The following MNAT1 variants were observed in gnomAD, a reference collection of about 807,000 sequenced individuals.
MNAT1 encodes the protein CDK-activating kinase assembly factor MAT1.
MNAT1 carries 43 observed loss-of-function variants against 42.0 expected under a neutral mutation model. The observed-to-expected ratio is 1.02, with a 90% CI of 0.80 to 1.32. The LOEUF is 1.32. MNAT1 is among the 40% of genes most tolerant of loss of function. The pLI is 0.00. For synonymous variants in MNAT1, 118 were observed against 120.0 expected, an observed-to-expected ratio of 0.98 and a Z score of 0.11; for missense variants, 306 against 350.4, an observed-to-expected ratio of 0.87 and a Z score of 1.01.
intron 1 of MNAT1, among the ~76,000 whole-genome samples, chr14:60,741,513 C>A (rs1896459460): frequency 6.6e-6 from 1 of 151,974 alleles, no homozygotes; most frequent in African/African-American, 2.4e-5. Flanking sequence ...GCACGGGCCA[C>A]CACGTCTGGC....
At chr14:60,822,204 G>C (rs2032908983) in intron 6 of MNAT1, among the ~76,000 whole-genome samples, 1 of 152,144 alleles carries the variant, frequency 6.6e-6, no homozygotes, top group Non-Finnish European at 1.5e-5. Flanking sequence ...AGACAGAATA[G>C]TTGCTGGTGG....
intron 1 of MNAT1, among the ~76,000 whole-genome samples, chr14:60,752,260 C>T (rs1005139281): frequency 1.3e-5 from 2 of 151,904 alleles, no homozygotes; most frequent in Non-Finnish European, 2.9e-5. Flanking sequence ...GTATGACATG[C>T]CAGATGCTGT....
chr14:60,913,918 C>G (rs370131304), intron 7 of MNAT1, among the ~76,000 whole-genome samples: 1 of 152,208 alleles, frequency 6.6e-6, no homozygotes, highest in Non-Finnish European at 1.5e-5. Flanking sequence ...GCCCTGCCCC[C>G]AGAGGTAGAG....
intron 7 of MNAT1, among the ~76,000 whole-genome samples, chr14:60,894,112 T>C (rs2034901364): frequency 6.6e-6 from 1 of 152,122 alleles, no homozygotes; most frequent in Non-Finnish European, 1.5e-5. Context: ...ACTTATGCTT[T>C]GCATCAGTGT....
rs966102559 is a variant in MNAT1, at chr14:60,812,077, C to G, written c.511C>G (p.Leu171Val). The G allele has an allele frequency of 5.6e-6, 9 of 1,597,806 alleles. No individual in the cohort carries two copies. The highest frequency in any genetic ancestry group is 6.8e-6 in the Non-Finnish European group (8 of 1,173,340). The change falls in exon 5 of 8, where the codon CTG becomes GTG. Residue 171 changes from leucine to valine, a missense_variant. Physicochemically the swap from Leu to Val is conservative, Grantham distance 32 (BLOSUM62 1). Coordinates refer to ENST00000261245, the MANE Select transcript of MNAT1 (RefSeq NM_002431.4). ...RRLFIQKEEQLQQILKRKNKQ... is the reference protein window; with the variant it reads ...RRLFIQKEEQVQQILKRKNKQ... ...ATTATTTATACAAAAAGAAGAACAA[C>G]TGCAGCAGATTCTAAAAAGGAAGAA...
intron 4 of MNAT1, chr14:60,808,726 A>C (rs2032455122): frequency 6.0e-6 from 1 of 167,778 alleles, no homozygotes; most frequent in African/African-American, 2.4e-5. Context: ...GTAAGTGAGC[A>C]TTTGGACAGT....
At chr14:60,946,625 T>C (rs536264729) in intron 7 of MNAT1, among the ~76,000 whole-genome samples, 2 of 152,326 alleles carry the variant, frequency 1.3e-5, no homozygotes, top group East Asian at 3.9e-4. Context: ...CCTTGACCTT[T>C]TGTTCTCATT....
chr14:60,939,073 G>C (rs981905957), intron 7 of MNAT1, among the ~76,000 whole-genome samples: 4 of 152,114 alleles, frequency 2.6e-5, no homozygotes, highest in African/African-American at 4.8e-5. Context: ...GGGATCGGTG[G>C]TGATATCCCC....
chr14:60,794,148 T>A (rs181546198), intron 1 of MNAT1, among the ~76,000 whole-genome samples: 46 of 152,326 alleles, frequency 3.0e-4, no homozygotes, highest in Non-Finnish European at 5.3e-4. Context: ...CTATTTTGGA[T>A]AGATGCTTAC....
Position 60,818,974 on chromosome 14 carries a change from G to C in MNAT1, c.687+127G>C, listed in dbSNP as rs547997170. 2.7e-5 allele frequency: 29 copies of C among 1,075,180 alleles called. No homozygotes were observed. The South Asian group carries it at 5.2e-4, about 19-fold the overall frequency. The allele number at this position is 1,075,180 out of a possible 1,614,324, so 66.6% of individuals were successfully genotyped here. A position where few individuals can be genotyped will look rare whatever the true frequency, so the allele number is the denominator to read the frequency against. On this transcript the variant is annotated intron_variant, in intron 6 of 7. Coordinates refer to ENST00000261245, the MANE Select transcript of MNAT1 (RefSeq NM_002431.4). ...AAGAACAGTGTCTGATCTAGTTTTA[G>C]GTGTCTGGAAATATGGATGGGTGCA...
At chr14:60,937,621 T>G (rs2036030064) in intron 7 of MNAT1, among the ~76,000 whole-genome samples, 2 of 152,338 alleles carry the variant, frequency 1.3e-5, no homozygotes, top group South Asian at 4.1e-4. Flanking sequence ...CATGCTGTTT[T>G]GGTTACTGTA....
chr14:60,909,363 A>ATT (rs560080972), intron 7 of MNAT1, among the ~76,000 whole-genome samples: 1 of 151,724 alleles, frequency 6.6e-6, no homozygotes, highest in Non-Finnish European at 1.5e-5. Flanking sequence ...TTTTGTTGCC[A>ATT]TTTTTTTTGG....
intron 4 of MNAT1, among the ~76,000 whole-genome samples, chr14:60,811,232 T>C (rs1334404165): frequency 6.6e-6 from 1 of 151,950 alleles, no homozygotes; most frequent in Non-Finnish European, 1.5e-5. Context: ...CTCCTTATCA[T>C]TTTTAAGCCT....
chr14:60,749,687 A>T (rs945764877), intron 1 of MNAT1, among the ~76,000 whole-genome samples: 6 of 152,194 alleles, frequency 3.9e-5, no homozygotes, highest in Admixed American at 3.9e-4. Flanking sequence ...AGTTATTTTC[A>T]GTAGTCTATG....
At chr14:60,742,889 T>TTGAA in intron 1 of MNAT1, among the ~76,000 whole-genome samples, 1 of 152,364 alleles carries the variant, frequency 6.6e-6, no homozygotes, top group Middle Eastern at 3.4e-3. Context: ...TTTTATCCAT[T>TTGAA]CATCAGTTGA....
At chr14:60,911,628 G>C (rs1456236214) in intron 7 of MNAT1, among the ~76,000 whole-genome samples, 1 of 152,128 alleles carries the variant, frequency 6.6e-6, no homozygotes, top group East Asian at 1.9e-4. Flanking sequence ...TAGTTGAGTG[G>C]TTTTGAGTGA....
At chr14:60,814,101 A>G (rs940225757) in intron 5 of MNAT1, among the ~76,000 whole-genome samples, 10 of 152,158 alleles carry the variant, frequency 6.6e-5, no homozygotes, top group Non-Finnish European at 1.2e-4. Flanking sequence ...CTCCTGATTA[A>G]TACTATTTTT....
intron 7 of MNAT1, among the ~76,000 whole-genome samples, chr14:60,891,200 A>G (rs1384888480): frequency 1.3e-5 from 2 of 151,748 alleles, no homozygotes; most frequent in African/African-American, 2.4e-5. Flanking sequence ...AGCATTTCTG[A>G]TTTTACTAAT....
In MNAT1 at chr14:60,942,003, C is replaced by A. The variant is rs534562834; in HGVS notation, c.810-26226C>A. Among the ~76,000 whole-genome samples, 33 of 29,942 alleles carry A rather than the reference C, an allele frequency of 1.1e-3. 1 individual carries two copies. Among genetic ancestry groups the A allele is most frequent in the African/African-American group, 5.0e-3 (27 of 5,362 alleles). 19.6% of individuals were successfully genotyped at this position (29,942 alleles called of 152,430 possible). A position where few individuals can be genotyped will look rare whatever the true frequency, so the allele number is the denominator to read the frequency against. ...TGGGCGACAGAATGAGGCTCCATCT[C>A]AAAAAAAAAAAAAAAAAAAAAAAAA... On this transcript the variant is annotated intron_variant, in intron 7 of 7. Transcript: ENST00000261245.
Sources: allele counts gnomAD v4.1 joint callset (sites outside exome capture counted in the v4.1 genomes callset), GRCh38; gene constraint gnomAD v4.1.1; transcripts MANE v1.5; gene names NCBI Gene and HGNC (gene_info 2026-07-23, HGNC 2026-07-21).